The following UNC5B variants were observed in gnomAD, a reference collection of about 807,000 sequenced individuals.
The protein encoded by UNC5B is unc-5 netrin receptor B, also known as netrin receptor UNC5B.
In UNC5B, 56 loss-of-function variants were observed where a neutral mutation model predicts 103.7. The ratio of observed to expected loss-of-function variants is 0.54; its 90% CI spans 0.44 to 0.67. The LOEUF (loss-of-function observed/expected upper bound fraction) is 0.67. UNC5B is among the 30% of genes least tolerant of loss of function. UNC5B has a pLI of 0.00. For synonymous variants in UNC5B, 577 were observed against 542.0 expected, an observed-to-expected ratio of 1.06 and a Z score of -0.90; for missense variants, 1,194 against 1,284.5, an observed-to-expected ratio of 0.93 and a Z score of 1.08.
intron 1 of UNC5B, among the ~76,000 whole-genome samples, chr10:71,278,183 A>G (rs1216676381): frequency 6.6e-6 from 1 of 152,170 alleles, no homozygotes; most frequent in African/African-American, 2.4e-5. Flanking sequence ...TAAGTTAACA[A>G]CTTAAATTCC....
chr10:71,254,774 C>T (rs1355609076), intron 1 of UNC5B, among the ~76,000 whole-genome samples: 1 of 152,210 alleles, frequency 6.6e-6, no homozygotes, highest in Non-Finnish European at 1.5e-5. Context: ...GAGCCTCCAC[C>T]ATTGGTCCTG....
rs553113438 is a variant in UNC5B, at chr10:71,270,386, G to A, written c.80-9435G>A. 2.5e-3 allele frequency among the ~76,000 whole-genome samples: 366 copies of A among 149,226 alleles called. 3 individuals are homozygous for A. Among genetic ancestry groups the A allele is most frequent in the African/African-American group, 7.9e-3 (320 of 40,430 alleles). On this transcript the variant is annotated intron_variant, in intron 1 of 16. Transcript: ENST00000335350. ...AGGGAGGGAGGGTGGGAGGCAGGGA[G>A]GGAGGGAGGGAAGACTGGTGAGTCC...
intron 1 of UNC5B, among the ~76,000 whole-genome samples, chr10:71,247,368 G>C (rs547294221): frequency 6.6e-6 from 1 of 152,220 alleles, no homozygotes; most frequent in African/African-American, 2.4e-5. Flanking sequence ...GGCCATGGCT[G>C]TAGGGAAGGC....
intron 1 of UNC5B, among the ~76,000 whole-genome samples, chr10:71,258,817 C>A (rs1317062277): frequency 6.6e-6 from 1 of 152,258 alleles, no homozygotes; most frequent in Non-Finnish European, 1.5e-5. Context: ...GATTCCCAAC[C>A]CAGCAGAGGA....
At chr10:71,290,013 G>C (rs896597973) in intron 8 of UNC5B, among the ~76,000 whole-genome samples, 3 of 152,236 alleles carry the variant, frequency 2.0e-5, no homozygotes, top group Non-Finnish European at 4.4e-5. Context: ...AGGAAGCAAG[G>C]GGAAGAGCAG....
Position 71,291,751 on chromosome 10 carries a change from C to T in UNC5B, c.1614C>T (p.Pro538=). ...SLGSQQLLGL[P]RDPGSSVSGT... ...GTTCCCAGCAGCTCTTGGGCCTGCCCCGAGACCCAGGGAGCAGCGTCAGCG... is the reference window on the plus strand; with the variant it reads ...GTTCCCAGCAGCTCTTGGGCCTGCCTCGAGACCCAGGGAGCAGCGTCAGCG... Residue 538 remains proline (P), a synonymous_variant, in exon 10 of 17, where the codon CCC becomes CCT. Coordinates refer to ENST00000335350, the MANE Select transcript of UNC5B (RefSeq NM_170744.5). 1 of 1,610,644 alleles carries T rather than the reference C, an allele frequency of 6.2e-7. No individual in the cohort carries two copies.
intron 1 of UNC5B, among the ~76,000 whole-genome samples, chr10:71,229,200 T>C (rs551273013): frequency 6.6e-6 from 1 of 152,312 alleles, no homozygotes; most frequent in African/African-American, 2.4e-5. Flanking sequence ...CCAGCCTCAG[T>C]CAGCCCCTTT....
chr10:71,236,622 G>C (rs940055350), intron 1 of UNC5B, among the ~76,000 whole-genome samples: 1 of 152,196 alleles, frequency 6.6e-6, no homozygotes, highest in Admixed American at 6.5e-5. Context: ...CACACTGACC[G>C]GCAGTGGCCT....
intron 1 of UNC5B, among the ~76,000 whole-genome samples, chr10:71,241,993 A>G (rs1843912441): frequency 6.6e-6 from 1 of 152,162 alleles, no homozygotes; most frequent in Non-Finnish European, 1.5e-5. Flanking sequence ...CCTGGCTGCC[A>G]GTGAGATGCC....
At chr10:71,234,715 A>G (rs886614676) in intron 1 of UNC5B, among the ~76,000 whole-genome samples, 1 of 152,200 alleles carries the variant, frequency 6.6e-6, no homozygotes, top group African/African-American at 2.4e-5. Flanking sequence ...ACCTAGATGC[A>G]GCTAGAATAC....
chr10:71,296,629 A>G lies in UNC5B; in HGVS notation c.2377A>G (p.Thr793Ala), dbSNP rs1196437842. The G allele has an allele frequency of 3.1e-6, 5 of 1,613,840 alleles. No homozygotes were observed. Among genetic ancestry groups the G allele is most frequent in the East Asian group, 4.5e-5 (2 of 44,886 alleles). The change falls in exon 15 of 17, where the codon ACT (threonine) becomes GCT (alanine). Residue 793 changes from threonine to alanine, a missense_variant. Transcript: ENST00000335350. ...TGGCAGCCAGAAGGCCCTCCACTGC[A>G]CTTTCACCCTGGAGAGGCACAGCTT... The part of the protein sequence containing the change: ...WSGSQKALHC[T>A]FTLERHSLAS...
rs1221640187 is a variant in UNC5B, at chr10:71,292,449, A to G, written c.1685-18A>G. On this transcript the variant is annotated intron_variant, in intron 10 of 16. Coordinates refer to ENST00000335350, the MANE Select transcript of UNC5B (RefSeq NM_170744.5). ...TCCTAAGCTCCTGGACTCCCTGCTG[A>G]CTTCCCTCTCCCCCTAGGGGTCAGC... 1 of 1,576,880 alleles carries G rather than the reference A, an allele frequency of 6.3e-7. No homozygotes were observed. Among genetic ancestry groups the G allele is most frequent in the Admixed American group, 1.8e-5 (1 of 54,372 alleles).
chr10:71,292,409 C>T (rs998815916), intron 10 of UNC5B, 58 bp from the exon 11 acceptor site: 1 of 1,477,618 alleles, frequency 6.8e-7, no homozygotes, highest in African/African-American at 1.4e-5. Flanking sequence ...GGGCCAACTT[C>T]CCAAACACTT....
intron 1 of UNC5B, among the ~76,000 whole-genome samples, chr10:71,274,555 G>A (rs1310031907): frequency 3.3e-5 from 5 of 152,110 alleles, no homozygotes; most frequent in South Asian, 2.1e-4. Context: ...GATGGGAGAC[G>A]TTGGATGAGA....
At chr10:71,257,273 C>G (rs2132277028) in intron 1 of UNC5B, among the ~76,000 whole-genome samples, 1 of 152,368 alleles carries the variant, frequency 6.6e-6, no homozygotes, top group African/African-American at 2.4e-5. Context: ...GAGCCTCTCT[C>G]TGTGTCTTCT....
rs1845531132 is a variant in UNC5B at position 71,299,356 on chromosome 10, GT to G, written c.*82del. ...CCTGGGGCAGCCTCCTGATGGGGAT[GT>G]TTGGCCTCTGCTTCCTCCCAGTTCA... On this transcript the variant is annotated 3_prime_UTR_variant, in exon 17 of 17. Transcript: ENST00000335350. 1 of 1,558,720 alleles carries G rather than the reference GT, an allele frequency of 6.4e-7. No individual in the cohort carries two copies. The highest frequency in any genetic ancestry group is 1.2e-5 in the South Asian group (1 of 84,826).
chr10:71,288,825 T>C, intron 7 of UNC5B, 93 bp downstream of exon 7: 1 of 1,549,456 alleles, frequency 6.5e-7, no homozygotes, highest in South Asian at 1.2e-5. Context: ...GTGCCCAGCC[T>C]GCAGCACGGC....
chr10:71,300,126 C>T lies in UNC5B; in HGVS notation c.*849C>T, dbSNP rs1296415602. On this transcript the variant is annotated 3_prime_UTR_variant, in exon 17 of 17. Coordinates refer to ENST00000335350, the MANE Select transcript of UNC5B (RefSeq NM_170744.5). ...AGAGAGTACTTTGCTGCTAACGAAT[C>T]CATCTTGGACTAAATTCTGACAAGG... 1 of 151,888 alleles carries T rather than the reference C, an allele frequency of 6.6e-6. No homozygotes were observed. Among genetic ancestry groups the T allele is most frequent in the Non-Finnish European group, 1.5e-5 (1 of 68,060 alleles). The allele number at this position is 151,888 out of a possible 1,614,324, so 9.4% of individuals were successfully genotyped here.
At chr10:71,260,678 G>C (rs1376894046) in intron 1 of UNC5B, among the ~76,000 whole-genome samples, 1 of 152,214 alleles carries the variant, frequency 6.6e-6, no homozygotes, top group Non-Finnish European at 1.5e-5. Context: ...CCTCATTAAA[G>C]AGCCTCGGCA....
Sources: allele counts gnomAD v4.1 joint callset (sites outside exome capture counted in the v4.1 genomes callset), GRCh38; gene constraint gnomAD v4.1.1; transcripts MANE v1.5; gene names NCBI Gene and HGNC (gene_info 2026-07-23, HGNC 2026-07-21).